Variants in PLPP1 observed in about 807,000 individuals in gnomAD.
PLPP1 encodes lipid phosphate phosphohydrolase 1a.
In PLPP1, 24 loss-of-function variants were observed where a neutral mutation model predicts 31.2. That is an observed-to-expected ratio of 0.77 (90% CI 0.56 to 1.08). PLPP1 has a LOEUF of 1.08. Among genes scored for constraint, PLPP1 ranks in the 50% least tolerant of loss-of-function variants. PLPP1 has a pLI of 0.00. For missense variants in PLPP1, 319 were observed against 342.7 expected (o/e 0.93, Z 0.55); for synonymous variants, 146 against 126.3 (o/e 1.16, Z -1.05).
chr5:55,460,871 G>A (rs1326294355), intron 3 of PLPP1, among the ~76,000 whole-genome samples: 2 of 151,994 alleles, frequency 1.3e-5, no homozygotes, highest in Non-Finnish European at 1.5e-5. Context: ...ATGAATGAAT[G>A]AATATAAATA....
intron 4 of PLPP1, 53 bp from the exon 5 acceptor site, chr5:55,426,092 TTTATA>T (rs1489722204): frequency 1.4e-6 from 2 of 1,442,080 alleles, no homozygotes; most frequent in African/African-American, 1.4e-5. Flanking sequence ...ACGCAAAACT[TTTATA>T]TTAAGGAAGG....
At chr5:55,449,917 A>G (rs902670416) in intron 3 of PLPP1, among the ~76,000 whole-genome samples, 1 of 152,150 alleles carries the variant, frequency 6.6e-6, no homozygotes. Flanking sequence ...GAAGGTAATA[A>G]ATGGTAAAGG....
At chr5:55,514,012 T>C (rs1005712086) in intron 1 of PLPP1, among the ~76,000 whole-genome samples, 1 of 152,236 alleles carries the variant, frequency 6.6e-6, no homozygotes, top group Non-Finnish European at 1.5e-5. Flanking sequence ...TTCAGTCATT[T>C]TGGTATACAA....
rs1740655805 is a variant in PLPP1 at position 55,531,138 on chromosome 5, A to G, written c.58+3434T>C. 2.6e-5 allele frequency among the ~76,000 whole-genome samples: 4 copies of G among 152,384 alleles called. No individual in the cohort carries two copies. The South Asian group carries it at 8.3e-4, about 32-fold the overall frequency. On this transcript the variant is annotated intron_variant, in intron 1 of 5. Coordinates refer to ENST00000307259, the MANE Select transcript of PLPP1 (RefSeq NM_003711.4). ...GGCAAGACTATGTTCCATTTCAGAA[A>G]GGAATCAAATATACATTATCTCTCA... is the stretch of plus-strand genomic sequence containing the variant.
chr5:55,479,668 C>T (rs945967798), intron 1 of PLPP1, among the ~76,000 whole-genome samples: 3 of 152,166 alleles, frequency 2.0e-5, no homozygotes, highest in African/African-American at 7.2e-5. Flanking sequence ...CTCTGGCTCC[C>T]CACTGCCAAA....
chr5:55,480,298 T>C (rs1752643007), intron 1 of PLPP1, among the ~76,000 whole-genome samples: 1 of 152,190 alleles, frequency 6.6e-6, no homozygotes, highest in South Asian at 2.1e-4. Context: ...AATTGAGGTA[T>C]AATTTACATA....
chr5:55,520,460 CA>C (rs201666899), intron 1 of PLPP1, among the ~76,000 whole-genome samples: 2,978 of 152,278 alleles, frequency 0.02, 47 homozygotes, highest in Non-Finnish European at 0.03. Flanking sequence ...ACAAAAACAG[CA>C]AAAATATTTG....
chr5:55,466,564 A>C (rs1248495289), intron 3 of PLPP1, among the ~76,000 whole-genome samples: 2 of 151,624 alleles, frequency 1.3e-5, no homozygotes, highest in African/African-American at 4.8e-5. Flanking sequence ...TTAGTAGGGC[A>C]TGGTGGCACG....
intron 1 of PLPP1, among the ~76,000 whole-genome samples, chr5:55,530,854 G>A (rs113276088): frequency 2.6e-5 from 4 of 152,232 alleles, no homozygotes; most frequent in African/African-American, 9.6e-5. Context: ...GGATGTGGCC[G>A]CGGAGAGGTC....
intron 5 of PLPP1, 109 bp from the exon 6 acceptor site, chr5:55,425,443 A>G (rs766663461): frequency 1.9e-6 from 2 of 1,037,794 alleles, no homozygotes; most frequent in Middle Eastern, 3.1e-4. Context: ...ATATACTTTG[A>G]GGTGTACAGA....
chr5:55,512,473 A>AG (rs1753437924), intron 1 of PLPP1, among the ~76,000 whole-genome samples: 4 of 25,234 alleles, frequency 1.6e-4, no homozygotes, highest in African/African-American at 4.3e-4. Flanking sequence ...TGTCTCAAAA[A>AG]AAAAAAAAAA....
At chr5:55,455,092 G>A (rs1218864480) in intron 3 of PLPP1, among the ~76,000 whole-genome samples, 1 of 152,112 alleles carries the variant, frequency 6.6e-6, no homozygotes, top group Non-Finnish European at 1.5e-5. Flanking sequence ...AGCATCTGAA[G>A]AATACAAGGC....
chr5:55,475,769 C>A (rs1477781995), intron 1 of PLPP1, among the ~76,000 whole-genome samples: 2 of 152,162 alleles, frequency 1.3e-5, no homozygotes, highest in Non-Finnish European at 2.9e-5. Flanking sequence ...TTCTTGTTGT[C>A]ATTTAATCAC....
At chr5:55,480,119 GAA>G (rs1244652900) in intron 1 of PLPP1, among the ~76,000 whole-genome samples, 1 of 152,148 alleles carries the variant, frequency 6.6e-6, no homozygotes, top group Non-Finnish European at 1.5e-5. Flanking sequence ...AGGCAAAAGT[GAA>G]AGAGTTCCCT....
chr5:55,497,278 CTCTGTCACCTAG>C (rs1753023333), intron 1 of PLPP1, among the ~76,000 whole-genome samples: 2 of 152,102 alleles, frequency 1.3e-5, no homozygotes, highest in African/African-American at 4.8e-5. Context: ...CTGGGTCTTA[CTCTGTCACCTAG>C]GGTGGAGTCC....
intron 1 of PLPP1, chr5:55,530,726 G>GGGGACAATGTGCA: frequency 1.3e-6 from 2 of 1,572,768 alleles, no homozygotes; most frequent in Non-Finnish European, 8.8e-7. Context: ...CCACGACACA[G>GGGGACAATGTGCA]GGGACAATGT....
At chr5:55,450,249 C>T (rs1040528389) in intron 3 of PLPP1, among the ~76,000 whole-genome samples, 4 of 152,152 alleles carry the variant, frequency 2.6e-5, no homozygotes, top group African/African-American at 9.7e-5. Flanking sequence ...ATCTGTGAAT[C>T]ACATGCCGAG....
At chr5:55,427,422 A>G (rs996623567) in intron 4 of PLPP1, among the ~76,000 whole-genome samples, 1 of 152,192 alleles carries the variant, frequency 6.6e-6, no homozygotes, top group African/African-American at 2.4e-5. Context: ...CTCATCAGCA[A>G]GTTTAAGAAC....
At chr5:55,449,224 G>A (rs1461350324) in intron 3 of PLPP1, among the ~76,000 whole-genome samples, 1 of 152,024 alleles carries the variant, frequency 6.6e-6, no homozygotes, top group African/African-American at 2.4e-5. Context: ...AAAATACATA[G>A]CAAAATGACT....
Sources: allele counts gnomAD v4.1 joint callset (sites outside exome capture counted in the v4.1 genomes callset), GRCh38; gene constraint gnomAD v4.1.1; transcripts MANE v1.5; gene names NCBI Gene and HGNC (gene_info 2026-07-23, HGNC 2026-07-21).